PDZD2: variants seen among roughly 807,000 people sequenced by gnomAD.
PDZD2 encodes the protein PDZ domain containing 2, also known as PDZ domain-containing protein 2.
Under a neutral mutation model 220.7 loss-of-function variants are expected in PDZD2, and 90 were observed. The ratio of observed to expected loss-of-function variants is 0.41; its 90% CI spans 0.34 to 0.49. The LOEUF is 0.49. Among genes scored for constraint, PDZD2 ranks in the 20% least tolerant of loss-of-function variants. The pLI is 0.28. For missense variants in PDZD2, 3,174 were observed against 3,608.5 expected, an observed-to-expected ratio of 0.88 and a Z score of 3.08; for synonymous variants, 1,375 against 1,450.5, an observed-to-expected ratio of 0.95 and a Z score of 1.18.
intron 10 of PDZD2, among the ~76,000 whole-genome samples, chr5:32,057,340 T>A (rs1739181407): frequency 6.6e-6 from 1 of 152,244 alleles, no homozygotes; most frequent in Admixed American, 6.5e-5. Flanking sequence ...GCCTTTGAAC[T>A]AGATTTCTGC....
At chr5:31,987,838 C>T (rs184110578) in intron 3 of PDZD2, among the ~76,000 whole-genome samples, 5 of 152,260 alleles carry the variant, frequency 3.3e-5, no homozygotes, top group East Asian at 1.9e-4. Flanking sequence ...GGAAACCCTC[C>T]GTCCTAGGGA....
Position 32,109,988 on chromosome 5 carries a change from C to CAGTT in PDZD2, c.*1855_*1858dup, listed in dbSNP as rs1184562424. On this transcript the variant is annotated 3_prime_UTR_variant, in exon 25 of 25. Coordinates refer to ENST00000438447, the MANE Select transcript of PDZD2 (RefSeq NM_178140.4). ...TTGATTTTACTTCTACTTTTCACTA[C>CAGTT]AGTTACAGGTAGAATACTGTAGGAA... The CAGTT allele has an allele frequency of 7.2e-5, 11 of 152,600 alleles. No individual in the cohort carries two copies. Among genetic ancestry groups the CAGTT allele is most frequent in the Non-Finnish European group, 1.3e-4 (9 of 68,032 alleles). The allele number at this position is 152,600 out of a possible 1,614,324, so 9.5% of individuals were successfully genotyped here. A position where few individuals can be genotyped will look rare whatever the true frequency, so the allele number is the denominator to read the frequency against.
chr5:32,064,147 C>T (rs1191650199), intron 14 of PDZD2, among the ~76,000 whole-genome samples: 1 of 152,112 alleles, frequency 6.6e-6, no homozygotes, highest in Non-Finnish European at 1.5e-5. Context: ...TTGAAGCTAA[C>T]CATAGGACAC....
intron 2 of PDZD2, among the ~76,000 whole-genome samples, chr5:31,858,536 C>A (rs1335392825): frequency 6.6e-6 from 1 of 152,172 alleles, no homozygotes; most frequent in Non-Finnish European, 1.5e-5. Flanking sequence ...TGATTACAGC[C>A]CTTTCCCAAA....
At chr5:32,096,070 T>G (rs1233838340) in intron 21 of PDZD2, among the ~76,000 whole-genome samples, 2 of 151,904 alleles carry the variant, frequency 1.3e-5, no homozygotes, top group Non-Finnish European at 2.9e-5. Flanking sequence ...AAATATTGTC[T>G]CTTTGCTCCC....
chr5:32,092,802 G>GT (rs1743281622), intron 20 of PDZD2, 105 bp from the exon 21 acceptor site: 2 of 542,618 alleles, frequency 3.7e-6, no homozygotes. Context: ...GAAAATACCT[G>GT]TTCTCTTTTG....
At chr5:32,058,629 G>T (rs1176901158) in intron 12 of PDZD2, among the ~76,000 whole-genome samples, 1 of 148,332 alleles carries the variant, frequency 6.7e-6, no homozygotes, top group African/African-American at 2.5e-5. Flanking sequence ...AGCCGAGATC[G>T]TGCCACTGCA....
chr5:31,655,699 A>C (rs1302037717), intron 1 of PDZD2, among the ~76,000 whole-genome samples: 1 of 152,156 alleles, frequency 6.6e-6, no homozygotes, highest in Non-Finnish European at 1.5e-5. Flanking sequence ...TCATTTAAAC[A>C]CTGATGCCCC....
At chr5:31,931,139 C>T (rs1489739713) in intron 2 of PDZD2, among the ~76,000 whole-genome samples, 1 of 152,198 alleles carries the variant, frequency 6.6e-6, no homozygotes, top group African/African-American at 2.4e-5. Context: ...TCTCCTGTCT[C>T]AGCCTCTTGA....
chr5:32,072,093 C>A, intron 16 of PDZD2, 68 bp from the exon 17 acceptor site: 2 of 1,103,094 alleles, frequency 1.8e-6, no homozygotes, highest in East Asian at 2.4e-5. Context: ...AAAGATAGGA[C>A]GTAATAACCC....
chr5:31,726,269 C>T (rs1429034629), intron 1 of PDZD2, among the ~76,000 whole-genome samples: 1 of 152,208 alleles, frequency 6.6e-6, no homozygotes, highest in Non-Finnish European at 1.5e-5. Context: ...TGGCTCACGC[C>T]TATAATCCCA....
At chr5:31,855,783 A>G (rs183032234) in intron 2 of PDZD2, among the ~76,000 whole-genome samples, 1 of 152,368 alleles carries the variant, frequency 6.6e-6, no homozygotes, top group Non-Finnish European at 1.5e-5. Context: ...TTTTGATCAT[A>G]GGATCCACAA....
intron 21 of PDZD2, among the ~76,000 whole-genome samples, chr5:32,093,596 G>A (rs747536313): frequency 1.3e-5 from 2 of 152,146 alleles, no homozygotes; most frequent in Non-Finnish European, 2.9e-5. Context: ...AACATAAACA[G>A]TCAATTAACA....
rs76329330 is a variant in PDZD2, at chr5:32,014,226, G to C, written c.1407+3744G>C. 2.6e-3 allele frequency among the ~76,000 whole-genome samples: 401 copies of C among 152,242 alleles called. 3 individuals are homozygous for C. The highest frequency in any genetic ancestry group is 9.3e-3 in the African/African-American group (385 of 41,534). On this transcript the variant is annotated intron_variant, in intron 6 of 24. Coordinates refer to ENST00000438447, the MANE Select transcript of PDZD2 (RefSeq NM_178140.4). ...CTGCCGCCAAATTCTAGCCAGACATGGACTGTTTTTGCACCTGTATGTCGT... is the reference window on the plus strand; with the variant it reads ...CTGCCGCCAAATTCTAGCCAGACATCGACTGTTTTTGCACCTGTATGTCGT...
intron 1 of PDZD2, among the ~76,000 whole-genome samples, chr5:31,784,477 A>G (rs931007535): frequency 6.6e-6 from 1 of 152,248 alleles, no homozygotes; most frequent in Non-Finnish European, 1.5e-5. Flanking sequence ...ATGGACTGAA[A>G]TCGGATTGTG....
At chr5:32,107,461 GTGAGAGGATCGCT>G (rs1744881253) in intron 24 of PDZD2, 2 of 152,572 alleles carry the variant, frequency 1.3e-5, no homozygotes, top group South Asian at 4.1e-4. Context: ...GAAGGCTGAG[GTGAGAGGATCGCT>G]TGAGCCCAGT....
intron 2 of PDZD2, among the ~76,000 whole-genome samples, chr5:31,821,081 ATGT>A (rs1755813078): frequency 6.6e-6 from 1 of 151,984 alleles, no homozygotes; most frequent in South Asian, 2.1e-4. Flanking sequence ...AATCTTTTAA[ATGT>A]TGTTATTACT....
chr5:31,755,029 A>G (rs1751224450), intron 1 of PDZD2, among the ~76,000 whole-genome samples: 1 of 152,178 alleles, frequency 6.6e-6, no homozygotes. Flanking sequence ...AAGGATGTTG[A>G]TGTTGTGTGA....
intron 2 of PDZD2, chr5:31,840,429 TATATATATATATATATA>T (rs1561499185): frequency 0.018 from 1,920 of 104,086 alleles, 129 homozygotes; most frequent in East Asian, 0.074. Flanking sequence ...TATATATATA[TATATATATATATATATA>T]TATTTGTTTA....
Sources: allele counts gnomAD v4.1 joint callset (sites outside exome capture counted in the v4.1 genomes callset), GRCh38; gene constraint gnomAD v4.1.1; transcripts MANE v1.5; gene names NCBI Gene and HGNC (gene_info 2026-07-23, HGNC 2026-07-21).